PHF21B: variants seen among roughly 807,000 people sequenced by gnomAD.
The protein encoded by PHF21B is PHD finger protein 4.
A neutral mutation model predicts 62.2 loss-of-function variants in PHF21B; 22 were observed. That is an observed-to-expected ratio of 0.35 (90% CI 0.25 to 0.51). The LOEUF is 0.51. PHF21B is among the 20% of genes least tolerant of loss of function. The pLI is 0.97. For missense variants in PHF21B, 701 were observed against 707.9 expected, an observed-to-expected ratio of 0.99 and a Z score of 0.11; for synonymous variants, 341 against 314.7, an observed-to-expected ratio of 1.08 and a Z score of -0.88.
At chr22:44,886,339 C>T (rs1037478490) in intron 10 of PHF21B, among the ~76,000 whole-genome samples, 3 of 138,522 alleles carry the variant, frequency 2.2e-5, no homozygotes, top group Non-Finnish European at 3.0e-5. Context: ...TCCCTCTCCA[C>T]ATGGCCTCAA....
Position 44,882,834 on chromosome 22 carries a change from A to C in PHF21B, c.*252T>G. The C allele has an allele frequency of 2.2e-6, 1 of 449,766 alleles. No individual in the cohort carries two copies. Among genetic ancestry groups the C allele is most frequent in the East Asian group, 3.9e-5 (1 of 25,460 alleles). The allele number at this position is 449,766 out of a possible 1,614,324, so 27.9% of individuals were successfully genotyped here. On this transcript the variant is annotated 3_prime_UTR_variant, in exon 13 of 13. Transcript: ENST00000313237. ...GCAGCCCCGAGGTGGCCGGGGGGAG[A>C]CTGTGTGCCCCAGCCTGTCGTACCC...
chr22:44,889,520 G>A (rs1435937253), intron 9 of PHF21B, among the ~76,000 whole-genome samples: 5 of 152,234 alleles, frequency 3.3e-5, no homozygotes, highest in Admixed American at 3.3e-4. Flanking sequence ...ATTCTGAGGA[G>A]GGAGGGCTCC....
At position 45,009,766 on chromosome 22, in the gene PHF21B, C is replaced by G. The variant is rs2073391217; in HGVS notation, c.-217G>C. 1 of 333,550 alleles carries G rather than the reference C, an allele frequency of 3.0e-6. No homozygotes were observed. The highest frequency in any genetic ancestry group is 5.1e-5 in the Admixed American group (1 of 19,606). The allele number at this position is 333,550 out of a possible 1,614,324, so 20.7% of individuals were successfully genotyped here. A position where few individuals can be genotyped will look rare whatever the true frequency, so the allele number is the denominator to read the frequency against. On this transcript the variant is annotated 5_prime_UTR_variant, in exon 1 of 13. Transcript: ENST00000313237. This position sits in a 1 kb window ranked among gnomAD's most constrained non-coding sequence, Gnocchi z 5.9. The stretch of plus-strand genomic sequence containing the variant: ...GGCGCCGAGCCCTCGGCTGCCCCAA[C>G]TCCTCAGGCTGCCCGGCAAGTTGCG...
intron 2 of PHF21B, among the ~76,000 whole-genome samples, chr22:44,929,046 G>A (rs761982996): frequency 1.1e-4 from 16 of 152,208 alleles, no homozygotes. Flanking sequence ...TGGCCCAGCC[G>A]CCACGCGCAC....
intron 2 of PHF21B, among the ~76,000 whole-genome samples, chr22:44,941,170 G>C (rs191273904): frequency 3.3e-5 from 5 of 152,256 alleles, no homozygotes; most frequent in African/African-American, 7.2e-5. Flanking sequence ...TGAGTGACCT[G>C]CCCAAGACCA....
chr22:44,930,568 G>A (rs2071721407), intron 2 of PHF21B, among the ~76,000 whole-genome samples: 1 of 151,950 alleles, frequency 6.6e-6, no homozygotes, highest in South Asian at 2.1e-4. Flanking sequence ...GGAGGGTGGT[G>A]GGAGGGGCAG....
intron 2 of PHF21B, among the ~76,000 whole-genome samples, chr22:44,958,692 G>A (rs1005432299): frequency 7.7e-6 from 1 of 129,326 alleles, no homozygotes; most frequent in Non-Finnish European, 1.6e-5. Flanking sequence ...AGCAACCTCC[G>A]CCTCCTGGGT....
At chr22:44,997,619 C>A (rs2073144097) in intron 2 of PHF21B, among the ~76,000 whole-genome samples, 1 of 152,176 alleles carries the variant, frequency 6.6e-6, no homozygotes, top group African/African-American at 2.4e-5. Context: ...ACATTAAATT[C>A]TGGATCATAG....
intron 2 of PHF21B, among the ~76,000 whole-genome samples, chr22:44,928,400 C>G (rs1216370573): frequency 1.3e-5 from 2 of 152,184 alleles, no homozygotes; most frequent in Non-Finnish European, 2.9e-5. Flanking sequence ...CACAGCACCC[C>G]TTCTTCCCAT....
At chr22:44,933,431 T>C (rs1000211884) in intron 2 of PHF21B, 148 of 982,768 alleles carry the variant, frequency 1.5e-4, no homozygotes, top group Non-Finnish European at 1.7e-4. Context: ...CCTGAAGCCA[T>C]TGGCACTGAC....
chr22:44,894,910 C>A (rs1298897969), intron 6 of PHF21B, among the ~76,000 whole-genome samples: 1 of 152,216 alleles, frequency 6.6e-6, no homozygotes, highest in Non-Finnish European at 1.5e-5. Flanking sequence ...GCTGTGTGAC[C>A]TCAGCCAGGT....
intron 2 of PHF21B, among the ~76,000 whole-genome samples, chr22:44,925,805 C>G (rs182904061): frequency 3.0e-4 from 45 of 152,294 alleles, no homozygotes; most frequent in Admixed American, 4.6e-4. Context: ...TCGAACTCCA[C>G]GACCAGTGTT....
chr22:44,952,574 A>T (rs948497638), intron 2 of PHF21B, among the ~76,000 whole-genome samples: 8 of 152,192 alleles, frequency 5.3e-5, no homozygotes, highest in African/African-American at 1.9e-4. Context: ...CTTTCAACTG[A>T]TGGGAATTAC....
chr22:44,955,059 AG>A (rs1190072431), intron 2 of PHF21B, among the ~76,000 whole-genome samples: 1 of 152,222 alleles, frequency 6.6e-6, no homozygotes, highest in Non-Finnish European at 1.5e-5. Context: ...ATCACTGTCC[AG>A]CGGTGCAGCT....
rs574969606 is a variant in PHF21B at position 44,964,175 on chromosome 22, AAC to A, written c.121-43687_121-43686del. Among the ~76,000 whole-genome samples the A allele has an allele frequency of 2.8e-3, 424 of 152,368 alleles. 3 individuals carry two copies. Among genetic ancestry groups the A allele is most frequent in the Non-Finnish European group, 4.1e-3 (281 of 68,038 alleles). On this transcript the variant is annotated intron_variant, in intron 2 of 12. Transcript: ENST00000313237. Reference sequence around the variant, plus strand: ...TATGTGCTGCCACTAGACAGTGACAAACACAGAGGATTCAATATACTCGTTAA... The same window carrying A: ...TATGTGCTGCCACTAGACAGTGACAAACAGAGGATTCAATATACTCGTTAA...
intron 2 of PHF21B, among the ~76,000 whole-genome samples, chr22:44,975,968 G>A (rs750617295): frequency 3.6e-4 from 55 of 152,354 alleles, no homozygotes; most frequent in Middle Eastern, 6.8e-3. Context: ...AAGAGTTCGA[G>A]ACCAGCCTGG....
intron 2 of PHF21B, among the ~76,000 whole-genome samples, chr22:44,948,529 T>TAA (rs136703): frequency 1.1e-4 from 17 of 150,756 alleles, no homozygotes; most frequent in African/African-American, 4.1e-4. Flanking sequence ...AAAAATAAAA[T>TAA]AAAAAAAAAC....
chr22:44,991,155 A>G (rs1261381502), intron 2 of PHF21B, among the ~76,000 whole-genome samples: 1 of 152,222 alleles, frequency 6.6e-6, no homozygotes, highest in Non-Finnish European at 1.5e-5. Context: ...AGTCATTAAC[A>G]CTAGTAATTT....
At chr22:44,933,330 C>T (rs1315813076) in intron 2 of PHF21B, 2 of 436,664 alleles carry the variant, frequency 4.6e-6, no homozygotes, top group Admixed American at 6.4e-5. Flanking sequence ...AGGCTGGTCT[C>T]GAACTCCCGC....
Sources: gnomAD v4.1 joint callset for allele counts (sites outside exome capture counted in the v4.1 genomes callset) on GRCh38, gnomAD v4.1.1 for gene constraint, Gnocchi (gnomAD v3.1) non-coding constraint, MANE v1.5 for transcripts, NCBI Gene and HGNC (gene_info 2026-07-23, HGNC 2026-07-21) for gene names.